CLPB: variants seen among roughly 807,000 people sequenced by gnomAD.
CLPB encodes the protein ClpB family mitochondrial disaggregase.
Under a neutral mutation model 78.4 loss-of-function variants are expected in CLPB, and 40 were observed. The observed-to-expected ratio is 0.51, with a 90% CI of 0.40 to 0.66. CLPB has a LOEUF of 0.66. Ranked by LOEUF, CLPB falls within the 30% of genes least tolerant of loss-of-function variation. The probability of loss-of-function intolerance (pLI) is 0.00; values close to 1 mark genes in which losing one functional copy is unlikely to be tolerated. For missense variants in CLPB, 780 were observed against 886.9 expected (o/e 0.88, Z 1.53); for synonymous variants, 333 against 348.0 (o/e 0.96, Z 0.48).
intron 4 of CLPB, among the ~76,000 whole-genome samples, chr11:72,376,782 G>C (rs778232505): frequency 1.1e-4 from 17 of 151,928 alleles, no homozygotes; most frequent in South Asian, 8.3e-4. Context: ...AGTGATTCTC[G>C]TGCCTCAGCC....
In CLPB at chr11:72,434,457, C is replaced by T. The variant is rs1856657588; in HGVS notation, c.18G>A (p.Val6=). The change falls in exon 1 of 16, where the codon GTG becomes GTA. Residue 6 remains valine (V), a synonymous_variant. Coordinates refer to ENST00000538039, the MANE Select transcript of CLPB (RefSeq NM_001258392.3). MLGSL[V]LRRKALAPRL... ...GTGGCGCCAGTGCTTTTCTCCTCAA[C>T]ACCAGGGACCCCAGCATCTTGACAG... is the stretch of plus-strand genomic sequence containing the variant. 6.4e-7 allele frequency: 1 copy of T among 1,551,776 alleles called. No individual in the cohort carries two copies. Among genetic ancestry groups the T allele is most frequent in the South Asian group, 1.2e-5 (1 of 83,098 alleles).
At position 72,419,648 on chromosome 11, in the gene CLPB, A is replaced by T. The variant is rs115740511; in HGVS notation, c.455+10664T>A. The stretch of plus-strand genomic sequence containing the variant: ...TTCACACTGGCCTTGCTTCCTCCTC[A>T]TGCAGGATTCTTGTAAATAAAAGTT... On this transcript the variant is annotated intron_variant, in intron 2 of 15. Transcript: ENST00000538039. Among the ~76,000 whole-genome samples the T allele has an allele frequency of 2.5e-3, 375 of 152,238 alleles. 4 individuals carry two copies. Among genetic ancestry groups the T allele is most frequent in the African/African-American group, 8.6e-3 (357 of 41,534 alleles).
intron 5 of CLPB, among the ~76,000 whole-genome samples, chr11:72,334,273 C>T (rs373210502): frequency 6.6e-6 from 1 of 152,196 alleles, no homozygotes; most frequent in Non-Finnish European, 1.5e-5. Flanking sequence ...GCACCTGGGC[C>T]AGCCAGCACA....
intron 4 of CLPB, among the ~76,000 whole-genome samples, chr11:72,367,980 A>G (rs986427833): frequency 2.0e-5 from 3 of 152,186 alleles, no homozygotes; most frequent in African/African-American, 7.2e-5. Flanking sequence ...GTTAGGTTAA[A>G]AAATATATGT....
chr11:72,358,829 C>A, intron 5 of CLPB, 51 bp downstream of exon 5: 1 of 269,918 alleles, frequency 3.7e-6, no homozygotes, highest in African/African-American at 2.4e-5. Context: ...CCCCCCACCC[C>A]ACCCCTCTTC....
Position 72,434,496 on chromosome 11 carries a change from C to G in CLPB, c.-22G>C. The G allele has an allele frequency of 6.6e-7, 1 of 1,521,730 alleles. No homozygotes were observed. Among genetic ancestry groups the G allele is most frequent in the Non-Finnish European group, 8.8e-7 (1 of 1,134,132 alleles). 94.3% of individuals were successfully genotyped at this position (1,521,730 alleles called of 1,614,324 possible). A position where few individuals can be genotyped will look rare whatever the true frequency, so the allele number is the denominator to read the frequency against. ...GCATCTTGACAGCTGCTTCGATAAC[C>G]CCGTGGTGCCGGCCCCTGTGCTGAC... On this transcript the variant is annotated 5_prime_UTR_variant, in exon 1 of 16. Transcript: ENST00000538039.
At chr11:72,325,115 A>G (rs993157421) in intron 6 of CLPB, among the ~76,000 whole-genome samples, 1 of 152,086 alleles carries the variant, frequency 6.6e-6, no homozygotes, top group African/African-American at 2.4e-5. Flanking sequence ...TCAGCTGAAT[A>G]TTCATCATGG....
chr11:72,369,146 G>A (rs544315176), intron 4 of CLPB, among the ~76,000 whole-genome samples: 15 of 152,212 alleles, frequency 9.9e-5, no homozygotes, highest in Admixed American at 6.5e-4. Context: ...CAGTCAGTGC[G>A]GCATCCTCTC....
chr11:72,295,568 G>C lies in CLPB; in HGVS notation c.1410C>G (p.Asp470Glu). ...IFIMTSNVAS[D>E]EIAQHALQLR... ...GCTGCAGCGCGTGCTGTGCGATCTCGTCGCTGGCCACATTGGAGGTCATGA... is the reference window on the plus strand; with the variant it reads ...GCTGCAGCGCGTGCTGTGCGATCTCCTCGCTGGCCACATTGGAGGTCATGA... Residue 470 changes from aspartate (D) to glutamate (E), a missense_variant, in exon 12 of 16, where the codon GAC (aspartate) becomes GAG (glutamate). Coordinates refer to ENST00000538039, the MANE Select transcript of CLPB (RefSeq NM_001258392.3). 1.2e-6 allele frequency: 2 copies of C among 1,614,156 alleles called. No homozygotes were observed. Among genetic ancestry groups the C allele is most frequent in the Non-Finnish European group, 1.7e-6 (2 of 1,180,006 alleles).
chr11:72,321,712 C>A (rs535408068), intron 6 of CLPB, among the ~76,000 whole-genome samples: 103 of 152,156 alleles, frequency 6.8e-4, no homozygotes, highest in Admixed American at 6.7e-3. Flanking sequence ...AGACCCTGGG[C>A]AAGAATGGGA....
Position 72,333,601 on chromosome 11 carries a change from C to G in CLPB, c.776-3797G>C, listed in dbSNP as rs541192219. Among the ~76,000 whole-genome samples the G allele has an allele frequency of 9.9e-5, 15 of 152,254 alleles. No individual in the cohort carries two copies. The East Asian group carries it at 2.9e-3, about 29-fold the overall frequency. On this transcript the variant is annotated intron_variant, in intron 5 of 15. Coordinates refer to ENST00000538039, the MANE Select transcript of CLPB (RefSeq NM_001258392.3). ...AGATTATTAGGTGCTACCTAGAGTT[C>G]GAGTCCAGCACAATTCCACCTCTCC...
chr11:72,421,531 G>A (rs993556099), intron 2 of CLPB, among the ~76,000 whole-genome samples: 5 of 152,216 alleles, frequency 3.3e-5, no homozygotes, highest in Admixed American at 2.0e-4. Flanking sequence ...TCCTGGGAGA[G>A]TGATGAGACA....
chr11:72,348,308 T>C (rs1247973013), intron 5 of CLPB, among the ~76,000 whole-genome samples: 6 of 152,162 alleles, frequency 3.9e-5, no homozygotes, highest in Non-Finnish European at 8.8e-5. Flanking sequence ...AACAAACACA[T>C]AAACAACAGA....
chr11:72,408,918 T>A (rs932532407), intron 2 of CLPB, among the ~76,000 whole-genome samples: 6 of 152,156 alleles, frequency 3.9e-5, no homozygotes, highest in Non-Finnish European at 8.8e-5. Flanking sequence ...TGAAAGGGCG[T>A]TTGAGGCCTG....
At chr11:72,427,135 A>G (rs1235751025) in intron 2 of CLPB, among the ~76,000 whole-genome samples, 2 of 152,232 alleles carry the variant, frequency 1.3e-5, no homozygotes, top group African/African-American at 4.8e-5. Context: ...TCCAGGGCCC[A>G]TGGACTGAAG....
Position 72,292,032 on chromosome 11 carries a change from G to A in CLPB, c.*1335C>T, listed in dbSNP as rs1208525057. ...CACTCCAGCTTGGGGGACAGAGTGA[G>A]ACTCTGTCTCAAAAAAAAAAAAAAA... On this transcript the variant is annotated 3_prime_UTR_variant, in exon 16 of 16. Transcript: ENST00000538039. 8.4e-6 allele frequency: 1 copy of A among 119,642 alleles called. No individual in the cohort carries two copies. Among genetic ancestry groups the A allele is most frequent in the East Asian group, 2.6e-4 (1 of 3,846 alleles). The allele number at this position is 119,642 out of a possible 1,614,324, so 7.4% of individuals were successfully genotyped here.
chr11:72,298,932 C>T (rs557321398), intron 11 of CLPB, among the ~76,000 whole-genome samples: 12 of 152,310 alleles, frequency 7.9e-5, no homozygotes, highest in African/African-American at 2.2e-4. Flanking sequence ...CTGTGGCTTC[C>T]GTTAACCTCT....
intron 5 of CLPB, among the ~76,000 whole-genome samples, chr11:72,344,626 T>C (rs1033558966): frequency 3.9e-5 from 6 of 152,172 alleles, no homozygotes; most frequent in African/African-American, 1.4e-4. Flanking sequence ...TCCTCAGCCC[T>C]TATTCCTTTC....
At chr11:72,430,731 G>C (rs910681920) in intron 1 of CLPB, among the ~76,000 whole-genome samples, 6 of 152,144 alleles carry the variant, frequency 3.9e-5, no homozygotes, top group African/African-American at 1.4e-4. Context: ...CCCTGATCTT[G>C]TCCACTTTCT....
Sources: gnomAD v4.1 joint callset for allele counts (sites outside exome capture counted in the v4.1 genomes callset) on GRCh38, gnomAD v4.1.1 for gene constraint, MANE v1.5 for transcripts, NCBI Gene and HGNC (gene_info 2026-07-23, HGNC 2026-07-21) for gene names.